SND1: variants seen among roughly 807,000 people sequenced by gnomAD.
SND1 encodes the protein staphylococcal nuclease domain-containing protein 1.
Under a neutral mutation model 121.7 loss-of-function variants are expected in SND1, and 38 were observed. The observed-to-expected ratio is 0.31, with a 90% CI of 0.24 to 0.41. The LOEUF is 0.41. Among genes scored for constraint, SND1 ranks in the 10% least tolerant of loss-of-function variants. SND1 has a pLI of 1.00. For synonymous variants in SND1, 401 were observed against 447.4 expected, an observed-to-expected ratio of 0.90 and a Z score of 1.31; for missense variants, 868 against 1,184.6, an observed-to-expected ratio of 0.73 and a Z score of 3.92.
At chr7:128,007,340 G>A (rs963406651) in intron 16 of SND1, among the ~76,000 whole-genome samples, 4 of 152,134 alleles carry the variant, frequency 2.6e-5, no homozygotes, top group African/African-American at 7.2e-5. Context: ...CTGAAAAGTG[G>A]CTCCCTGCTT....
chr7:127,755,876 T>A (rs965675101), intron 10 of SND1, among the ~76,000 whole-genome samples: 1 of 152,270 alleles, frequency 6.6e-6, no homozygotes, highest in African/African-American at 2.4e-5. Flanking sequence ...GCTATATGAA[T>A]GTAGGAGTAT....
intron 11 of SND1, among the ~76,000 whole-genome samples, chr7:127,821,654 T>C (rs111374553): frequency 6.6e-6 from 1 of 152,138 alleles, no homozygotes; most frequent in Non-Finnish European, 1.5e-5. Context: ...TTTTAAAAAA[T>C]TTTTGTTTTA....
intron 10 of SND1, among the ~76,000 whole-genome samples, chr7:127,745,499 T>C (rs1002520198): frequency 2.0e-5 from 3 of 152,180 alleles, no homozygotes; most frequent in African/African-American, 4.8e-5. Context: ...GCTTTAAGAA[T>C]CTTGCTGTTT....
intron 3 of SND1, among the ~76,000 whole-genome samples, chr7:127,696,733 A>G (rs1057405450): frequency 6.6e-6 from 1 of 152,222 alleles, no homozygotes; most frequent in African/African-American, 2.4e-5. Flanking sequence ...AGAGAAGCTG[A>G]TATTTTAAAT....
intron 15 of SND1, among the ~76,000 whole-genome samples, chr7:127,970,664 T>C (rs1801963803): frequency 6.6e-6 from 1 of 152,274 alleles, no homozygotes; most frequent in Non-Finnish European, 1.5e-5. Flanking sequence ...TCTCATTTTC[T>C]GTTGAGCACT....
intron 16 of SND1, among the ~76,000 whole-genome samples, chr7:128,058,674 C>CAGAAA: frequency 6.6e-6 from 1 of 152,248 alleles, no homozygotes; most frequent in Non-Finnish European, 1.5e-5. Context: ...TTTTTCTCCT[C>CAGAAA]TTTCTGACTC....
intron 10 of SND1, among the ~76,000 whole-genome samples, chr7:127,751,412 T>G (rs1299236706): frequency 6.6e-6 from 1 of 152,210 alleles, no homozygotes; most frequent in African/African-American, 2.4e-5. Context: ...ATGCATTGTT[T>G]AGAATGTCAG....
chr7:127,683,691 A>G (rs1207938451), intron 1 of SND1, among the ~76,000 whole-genome samples: 2 of 152,222 alleles, frequency 1.3e-5, no homozygotes, highest in Admixed American at 6.5e-5. Flanking sequence ...GGGTGCACAC[A>G]TGCCAATCCT....
chr7:127,702,129 TG>T (rs1796115462), intron 5 of SND1, among the ~76,000 whole-genome samples: 1 of 152,194 alleles, frequency 6.6e-6, no homozygotes, highest in Non-Finnish European at 1.5e-5. Flanking sequence ...AATTATTTTT[TG>T]TTGGGTACCT....
At chr7:127,934,613 G>A (rs1366203913) in intron 15 of SND1, among the ~76,000 whole-genome samples, 2 of 152,050 alleles carry the variant, frequency 1.3e-5, no homozygotes, top group South Asian at 2.1e-4. Context: ...GTCAGGAGTG[G>A]GGGGTGGTGT....
rs775963012 is a variant in SND1 at position 128,029,243 on chromosome 7, A to C, written c.1779+38187A>C. On this transcript the variant is annotated intron_variant, in intron 16 of 23. Transcript: ENST00000354725. The surrounding 1 kb of genome is among the most constrained non-coding windows in gnomAD (Gnocchi z 4.2). ...GCTTGTACTTTCGCGTTGTGTCCTC[A>C]GGCGAGATCTCCGTGGTCTCCACTG... The C allele has an allele frequency of 1.9e-6, 3 of 1,614,106 alleles. No individual in the cohort carries two copies. The highest frequency in any genetic ancestry group is 1.1e-5 in the South Asian group (1 of 91,074).
chr7:127,888,077 G>A, intron 13 of SND1, 65 bp downstream of exon 13: 2 of 1,065,172 alleles, frequency 1.9e-6, no homozygotes, highest in Non-Finnish European at 2.9e-6. Flanking sequence ...TCCCAGTTTT[G>A]TGCCTATACC....
chr7:128,003,299 G>A (rs779063443), intron 16 of SND1, among the ~76,000 whole-genome samples: 25 of 152,250 alleles, frequency 1.6e-4, no homozygotes, highest in Middle Eastern at 3.4e-3. Flanking sequence ...AAGAAGAAGC[G>A]TTTGGGTCAC....
intron 14 of SND1, among the ~76,000 whole-genome samples, chr7:127,917,707 G>A (rs1800614198): frequency 6.6e-6 from 1 of 152,158 alleles, no homozygotes; most frequent in Non-Finnish European, 1.5e-5. Flanking sequence ...ACAGGTGTGA[G>A]CCACTGCACG....
At chr7:128,041,260 C>T (rs895608832) in intron 16 of SND1, among the ~76,000 whole-genome samples, 1 of 152,056 alleles carries the variant, frequency 6.6e-6, no homozygotes, top group Admixed American at 6.6e-5. Context: ...TATAATGAGA[C>T]CCCCCATCTC....
intron 15 of SND1, among the ~76,000 whole-genome samples, chr7:127,962,061 G>A (rs532929594): frequency 7.9e-5 from 12 of 152,240 alleles, no homozygotes; most frequent in African/African-American, 2.4e-4. Context: ...AGCTACATTG[G>A]TACACATAAT....
intron 16 of SND1, among the ~76,000 whole-genome samples, chr7:128,041,574 T>C (rs1562879559): frequency 6.6e-6 from 1 of 152,336 alleles, no homozygotes; most frequent in East Asian, 1.9e-4. Flanking sequence ...GAATTGGGGA[T>C]AGGTGAACAT....
intron 16 of SND1, among the ~76,000 whole-genome samples, chr7:128,072,265 C>T (rs527900660): frequency 1.3e-5 from 2 of 152,224 alleles, no homozygotes; most frequent in African/African-American, 2.4e-5. Context: ...TGCTAAGAGC[C>T]ACACTGGCCC....
chr7:127,941,672 A>G (rs1801205815), intron 15 of SND1, among the ~76,000 whole-genome samples: 1 of 152,168 alleles, frequency 6.6e-6, no homozygotes, highest in Non-Finnish European at 1.5e-5. Flanking sequence ...TATTAACTCC[A>G]CTGATATACC....
Sources: allele counts gnomAD v4.1 joint callset (sites outside exome capture counted in the v4.1 genomes callset), GRCh38; gene constraint gnomAD v4.1.1; non-coding constraint Gnocchi (gnomAD v3.1); transcripts MANE v1.5; gene names NCBI Gene and HGNC (gene_info 2026-07-23, HGNC 2026-07-21).